Variants in NAV2 observed in about 807,000 individuals in gnomAD.
The protein encoded by NAV2 is helicase, APC down-regulated 1.
Under a neutral mutation model 223.2 loss-of-function variants are expected in NAV2, and 54 were observed. The observed-to-expected ratio is 0.24, with a 90% CI of 0.19 to 0.30. The LOEUF (loss-of-function observed/expected upper bound fraction) is 0.30, where lower values mean the gene tolerates loss of function less well. Ranked by LOEUF, NAV2 falls within the 10% of genes least tolerant of loss-of-function variation. The pLI is 1.00. For synonymous variants in NAV2, 1,279 were observed against 1,239.3 expected, an observed-to-expected ratio of 1.03 and a Z score of -0.67; for missense variants, 2,806 against 3,147.5, an observed-to-expected ratio of 0.89 and a Z score of 2.60.
chr11:19,368,383 G>C (rs1349201290), intron 1 of NAV2, among the ~76,000 whole-genome samples: 1 of 152,178 alleles, frequency 6.6e-6, no homozygotes, highest in Non-Finnish European at 1.5e-5. Context: ...TCTAGGTGAA[G>C]TGAGGAAAAC....
rs61668060 is a variant in NAV2, at chr11:20,046,596, T to TCA, written c.3902+953_3902+954dup. Among the ~76,000 whole-genome samples, 102 of 145,966 alleles carry TCA rather than the reference T, an allele frequency of 7.0e-4. 1 individual carries two copies. Among genetic ancestry groups the TCA allele is most frequent in the Middle Eastern group, 3.4e-3 (1 of 292 alleles). On this transcript the variant is annotated intron_variant, in intron 14 of 37. Transcript: ENST00000349880. ...TGAAATTTTAACTTCCCCCTCCCCA[T>TCA]CACACACACACACACACACACACAC... is the stretch of plus-strand genomic sequence containing the variant.
chr11:19,605,825 G>A (rs1293341494), intron 1 of NAV2, among the ~76,000 whole-genome samples: 3 of 152,124 alleles, frequency 2.0e-5, no homozygotes, highest in Non-Finnish European at 4.4e-5. Flanking sequence ...GGTATTCCAG[G>A]CCCCAGACAG....
At chr11:19,425,861 C>A (rs1850806056) in intron 1 of NAV2, among the ~76,000 whole-genome samples, 1 of 152,146 alleles carries the variant, frequency 6.6e-6, no homozygotes, top group Non-Finnish European at 1.5e-5. Flanking sequence ...ATTCCCAAGG[C>A]TCTTTATTAT....
At chr11:19,735,525 T>C (rs910234105) in intron 1 of NAV2, among the ~76,000 whole-genome samples, 1 of 152,200 alleles carries the variant, frequency 6.6e-6, no homozygotes, top group African/African-American at 2.4e-5. Context: ...TCAGCACTAT[T>C]ATTCACCCTG....
intron 1 of NAV2, among the ~76,000 whole-genome samples, chr11:19,705,678 C>G (rs1000227839): frequency 5.9e-5 from 9 of 151,880 alleles, no homozygotes; most frequent in Non-Finnish European, 5.9e-5. Context: ...AAACTTATCT[C>G]TTTAAAAAAA....
chr11:19,709,072 G>C (rs1298853913), upstream of NAV2, among the ~76,000 whole-genome samples: 1 of 152,002 alleles, frequency 6.6e-6, no homozygotes, highest in Non-Finnish European at 1.5e-5. Context: ...AGTGTGGAAG[G>C]AGTAAACTTA....
chr11:19,562,050 G>A (rs866256687), intron 1 of NAV2, among the ~76,000 whole-genome samples: 207 of 152,282 alleles, frequency 1.4e-3, no homozygotes, highest in African/African-American at 4.6e-3. Flanking sequence ...TGAGGGCCTC[G>A]TGCCTCCACA....
At chr11:20,086,065 C>T (rs1195153654) in intron 26 of NAV2, among the ~76,000 whole-genome samples, 1 of 152,184 alleles carries the variant, frequency 6.6e-6, no homozygotes, top group African/African-American at 2.4e-5. Context: ...GGATGGACAG[C>T]GTGACTTCCC....
chr11:19,991,701 T>G (rs991870624), intron 11 of NAV2, among the ~76,000 whole-genome samples: 1 of 152,190 alleles, frequency 6.6e-6, no homozygotes, highest in Admixed American at 6.5e-5. Flanking sequence ...AACCCGTGTT[T>G]CATCCCACAT....
At chr11:19,492,213 C>A (rs530788918) in intron 1 of NAV2, among the ~76,000 whole-genome samples, 1 of 151,614 alleles carries the variant, frequency 6.6e-6, no homozygotes, top group African/African-American at 2.4e-5. Context: ...GAAGTGAGCA[C>A]ATGCTATTGG....
At chr11:20,079,504 A>AT (rs1411408693) in intron 24 of NAV2, among the ~76,000 whole-genome samples, 2 of 152,206 alleles carry the variant, frequency 1.3e-5, no homozygotes, top group African/African-American at 4.8e-5. Flanking sequence ...GATATCACAC[A>AT]TTTTCAATAT....
chr11:19,680,416 A>AGG (rs981393667), intron 1 of NAV2, among the ~76,000 whole-genome samples: 13 of 151,888 alleles, frequency 8.6e-5, no homozygotes, highest in Non-Finnish European at 1.6e-4. Context: ...ATTGTTTTTA[A>AGG]GGGTTTTTTT....
At chr11:19,557,467 A>C (rs951978172) in intron 1 of NAV2, among the ~76,000 whole-genome samples, 3 of 152,240 alleles carry the variant, frequency 2.0e-5, no homozygotes. Context: ...GCTGAAGTAC[A>C]TCTGCCCTTG....
chr11:19,395,785 C>T (rs1027867164), intron 1 of NAV2, among the ~76,000 whole-genome samples: 1 of 152,238 alleles, frequency 6.6e-6, no homozygotes, highest in African/African-American at 2.4e-5. Context: ...CTCTTTCCCC[C>T]TCTCCTCTGC....
chr11:20,075,222 GTT>G lies in NAV2; in HGVS notation c.4984-2317_4984-2316del, dbSNP rs759061256. On this transcript the variant is annotated intron_variant, in intron 22 of 37. Coordinates refer to ENST00000349880, the MANE Select transcript of NAV2 (RefSeq NM_145117.5). ...TCCATGTTTTTTGTTTTTTTGTTTT[GTT>G]TTTTTTTTTTTTGAGACAGAGTCTC... 1.3e-3 allele frequency among the ~76,000 whole-genome samples: 140 copies of G among 111,020 alleles called. No homozygotes were observed. In the South Asian group the frequency reaches 0.029, roughly 23 times the overall value. 72.8% of individuals were successfully genotyped at this position (111,020 alleles called of 152,430 possible). A position where few individuals can be genotyped will look rare whatever the true frequency, so the allele number is the denominator to read the frequency against.
intron 11 of NAV2, among the ~76,000 whole-genome samples, chr11:20,034,270 A>G (rs1173368459): frequency 6.6e-6 from 1 of 151,994 alleles, no homozygotes; most frequent in Non-Finnish European, 1.5e-5. Context: ...CTATAGGTCA[A>G]TTAGAGTAGT....
At chr11:19,711,779 G>A (rs972571145), upstream of NAV2, 2 of 152,210 alleles carry the variant, frequency 1.3e-5, no homozygotes, top group Admixed American at 6.5e-5. Context: ...TACATTGCCA[G>A]GTACTTGTGC....
At chr11:19,947,550 G>A (rs1195186162) in intron 9 of NAV2, among the ~76,000 whole-genome samples, 2 of 152,184 alleles carry the variant, frequency 1.3e-5, no homozygotes, top group African/African-American at 4.8e-5. Flanking sequence ...ACGGTGGGAT[G>A]GTAATTATGA....
chr11:19,967,194 A>G (rs1460556568), intron 10 of NAV2, among the ~76,000 whole-genome samples: 4 of 152,152 alleles, frequency 2.6e-5, no homozygotes, highest in Admixed American at 6.5e-5. Flanking sequence ...AGCCAAGCCT[A>G]TTCTCTTGGT....
Sources: allele counts gnomAD v4.1 joint callset (sites outside exome capture counted in the v4.1 genomes callset), GRCh38; gene constraint gnomAD v4.1.1; transcripts MANE v1.5; gene names NCBI Gene and HGNC (gene_info 2026-07-23, HGNC 2026-07-21).